The following CDH13 variants were observed in gnomAD, a reference collection of about 807,000 sequenced individuals.
CDH13 encodes cadherin-13.
CDH13 carries 24 observed loss-of-function variants against 63.8 expected under a neutral mutation model. That is an observed-to-expected ratio of 0.38 (90% confidence interval 0.27 to 0.53). The LOEUF (loss-of-function observed/expected upper bound fraction) is 0.53, where lower values mean the gene tolerates loss of function less well. CDH13 is among the 20% of genes least tolerant of loss of function. The probability of loss-of-function intolerance (pLI) is 0.85; values close to 1 mark genes in which losing one functional copy is unlikely to be tolerated. For synonymous variants in CDH13, 503 were observed against 355.3 expected, an observed-to-expected ratio of 1.42 and a Z score of -4.67; for missense variants, 1,049 against 903.1, an observed-to-expected ratio of 1.16 and a Z score of -2.07.
At chr16:83,742,810 T>C (rs946400999) in intron 10 of CDH13, among the ~76,000 whole-genome samples, 1 of 152,204 alleles carries the variant, frequency 6.6e-6, no homozygotes, top group Admixed American at 6.5e-5. Context: ...TCCTCCTCTG[T>C]CTGCAGGTGT....
chr16:82,986,329 C>G (rs1910934562), intron 2 of CDH13, among the ~76,000 whole-genome samples: 2 of 152,176 alleles, frequency 1.3e-5, no homozygotes, highest in South Asian at 4.1e-4. Context: ...ACATTTGATA[C>G]AATCAAAACC....
At chr16:83,731,146 G>A (rs1178739077) in intron 10 of CDH13, among the ~76,000 whole-genome samples, 1 of 152,138 alleles carries the variant, frequency 6.6e-6, no homozygotes, top group Non-Finnish European at 1.5e-5. Context: ...TGTCTTTTTG[G>A]CAAAACAATT....
intron 2 of CDH13, among the ~76,000 whole-genome samples, chr16:82,875,845 C>T (rs140907048): frequency 6.6e-6 from 1 of 152,194 alleles, no homozygotes; most frequent in Non-Finnish European, 1.5e-5. Context: ...CTGTATTAGT[C>T]TGTTTTCACA....
At chr16:82,877,982 A>G (rs548359316) in intron 2 of CDH13, among the ~76,000 whole-genome samples, 2 of 150,174 alleles carry the variant, frequency 1.3e-5, no homozygotes, top group Admixed American at 6.6e-5. Context: ...CACACACTCT[A>G]TATATGTATA....
chr16:83,197,009 C>T (rs990280686), intron 4 of CDH13, among the ~76,000 whole-genome samples: 3 of 152,178 alleles, frequency 2.0e-5, no homozygotes, highest in South Asian at 4.1e-4. Flanking sequence ...CAGCTTGATT[C>T]ATATTTGCCA....
chr16:83,564,650 C>A (rs531815509), intron 7 of CDH13, among the ~76,000 whole-genome samples: 45 of 152,268 alleles, frequency 3.0e-4, no homozygotes, highest in African/African-American at 1.1e-3. Context: ...CTCAGGTGAT[C>A]CACCTCCCTC....
chr16:83,194,104 G>C (rs1435037043), intron 4 of CDH13, among the ~76,000 whole-genome samples: 1 of 152,192 alleles, frequency 6.6e-6, no homozygotes, highest in South Asian at 2.1e-4. Context: ...AGGACAGCTC[G>C]TTCCAACCTT....
chr16:83,222,556 A>G (rs1453186498), intron 5 of CDH13, among the ~76,000 whole-genome samples: 2 of 152,166 alleles, frequency 1.3e-5, no homozygotes, highest in South Asian at 2.1e-4. Context: ...TGATGCACAT[A>G]TTACCTTGAT....
chr16:82,852,478 T>C (rs999432892), intron 1 of CDH13, among the ~76,000 whole-genome samples: 7 of 152,170 alleles, frequency 4.6e-5, no homozygotes, highest in African/African-American at 7.2e-5. Flanking sequence ...AGAGAAGATA[T>C]CATGCAGGAC....
At chr16:83,572,009 A>G (rs1034398223) in intron 7 of CDH13, among the ~76,000 whole-genome samples, 1 of 152,194 alleles carries the variant, frequency 6.6e-6, no homozygotes, top group African/African-American at 2.4e-5. Context: ...AGTGTGTCAG[A>G]TGGTGAGGAC....
chr16:82,672,916 A>G (rs369185120), intron 1 of CDH13, among the ~76,000 whole-genome samples: 143 of 150,794 alleles, frequency 9.5e-4, no homozygotes, highest in African/African-American at 3.3e-3. Flanking sequence ...CTGGGCTCAA[A>G]TCTTCCTTCT....
chr16:83,600,619 G>C lies in CDH13; in HGVS notation c.961-1835G>C, dbSNP rs192181322. 4.6e-5 allele frequency among the ~76,000 whole-genome samples: 7 copies of C among 152,234 alleles called. No individual in the cohort carries two copies. In the East Asian group the frequency reaches 1.4e-3, roughly 29 times the overall value. ...TTCCTGTGGTATTTCTTAATTATTG[G>C]TTGGTATAACCAGCTGTTTTTGAAG... On this transcript the variant is annotated intron_variant, in intron 7 of 13. Transcript: ENST00000567109.
At chr16:83,116,440 CA>C (rs1211483542) in intron 3 of CDH13, among the ~76,000 whole-genome samples, 1 of 152,178 alleles carries the variant, frequency 6.6e-6, no homozygotes, top group Non-Finnish European at 1.5e-5. Flanking sequence ...ACCTGGAAGC[CA>C]GGGGGCTGAC....
intron 2 of CDH13, among the ~76,000 whole-genome samples, chr16:83,009,950 A>G (rs1053194448): frequency 1.3e-5 from 2 of 152,156 alleles, no homozygotes; most frequent in African/African-American, 2.4e-5. Flanking sequence ...CCTGGCCAAC[A>G]TGGTGAAACC....
chr16:82,862,496 G>T, intron 2 of CDH13, among the ~76,000 whole-genome samples: 1 of 152,302 alleles, frequency 6.6e-6, no homozygotes, highest in East Asian at 1.9e-4. Flanking sequence ...CAGGGGATGA[G>T]TGCAGTCTTT....
intron 7 of CDH13, among the ~76,000 whole-genome samples, chr16:83,558,330 C>G (rs1474084748): frequency 6.6e-6 from 1 of 152,094 alleles, no homozygotes; most frequent in African/African-American, 2.4e-5. Context: ...CCAGCAGCCA[C>G]AAACATCTAT....
chr16:82,788,538 A>G (rs972603865), intron 1 of CDH13, among the ~76,000 whole-genome samples: 15 of 152,342 alleles, frequency 9.8e-5, no homozygotes, highest in Non-Finnish European at 1.2e-4. Context: ...AGACTGAATT[A>G]GTTCTTTGTG....
intron 11 of CDH13, among the ~76,000 whole-genome samples, chr16:83,752,075 T>C (rs1433767584): frequency 6.6e-6 from 1 of 152,218 alleles, no homozygotes; most frequent in Non-Finnish European, 1.5e-5. Flanking sequence ...TAAAATTCTG[T>C]GTAAAATGAA....
chr16:83,015,921 A>G (rs756553963), intron 2 of CDH13, among the ~76,000 whole-genome samples: 1 of 151,730 alleles, frequency 6.6e-6, no homozygotes, highest in African/African-American at 2.4e-5. Flanking sequence ...ACTTCCCATG[A>G]TAATTCAAAT....
Sources: gnomAD v4.1 joint callset for allele counts (sites outside exome capture counted in the v4.1 genomes callset) on GRCh38, gnomAD v4.1.1 for gene constraint, MANE v1.5 for transcripts, NCBI Gene and HGNC (gene_info 2026-07-23, HGNC 2026-07-21) for gene names.